The following SCLT1 variants were observed in gnomAD, a reference collection of about 807,000 sequenced individuals.
The protein encoded by SCLT1 is sodium channel-associated protein 1.
Under a neutral mutation model 112.8 loss-of-function variants are expected in SCLT1, and 78 were observed. That is an observed-to-expected ratio of 0.69 (90% CI 0.58 to 0.83). SCLT1 has a LOEUF of 0.83. SCLT1 is among the 40% of genes least tolerant of loss of function. The pLI is 0.00. For missense variants in SCLT1, 747 were observed against 770.4 expected, an observed-to-expected ratio of 0.97 and a Z score of 0.36; for synonymous variants, 257 against 254.7, an observed-to-expected ratio of 1.01 and a Z score of -0.09.
At chr4:128,938,799 T>C (rs1025042885) in intron 17 of SCLT1, among the ~76,000 whole-genome samples, 2 of 152,090 alleles carry the variant, frequency 1.3e-5, no homozygotes, top group Non-Finnish European at 2.9e-5. Flanking sequence ...CTGGCCAACA[T>C]GGTGAAACTC....
chr4:128,875,915 C>CA (rs1732508095), intron 4 of SCLT1, among the ~76,000 whole-genome samples: 1 of 151,910 alleles, frequency 6.6e-6, no homozygotes, highest in African/African-American at 2.4e-5. Flanking sequence ...GACAGTAGGG[C>CA]AAAAAAATAT....
chr4:129,055,567 A>G (rs1749285614), intron 2 of SCLT1, among the ~76,000 whole-genome samples: 1 of 152,102 alleles, frequency 6.6e-6, no homozygotes. Flanking sequence ...CAGCCTCCTT[A>G]GCAGTGACGG....
intron 5 of SCLT1, among the ~76,000 whole-genome samples, chr4:129,028,571 A>G (rs1297725681): frequency 6.6e-6 from 1 of 152,198 alleles, no homozygotes; most frequent in Non-Finnish European, 1.5e-5. Context: ...AACCATAAAA[A>G]CCCTAGAAGA....
At chr4:128,877,087 G>GTGA (rs1395872957) in intron 3 of SCLT1, among the ~76,000 whole-genome samples, 2 of 152,222 alleles carry the variant, frequency 1.3e-5, no homozygotes, top group Admixed American at 1.3e-4. Context: ...TATCTCCATA[G>GTGA]TGATGACTTC....
chr4:128,992,286 A>C (rs1461973046), intron 8 of SCLT1, 49 bp from the exon 9 acceptor site: 2 of 1,145,974 alleles, frequency 1.7e-6, no homozygotes, highest in African/African-American at 3.1e-5. Context: ...TAATAACTGT[A>C]TCTTTAAAGA....
intron 9 of SCLT1, among the ~76,000 whole-genome samples, chr4:128,983,288 C>T (rs1444654556): frequency 5.3e-5 from 8 of 152,092 alleles, no homozygotes; most frequent in Admixed American, 5.2e-4. Flanking sequence ...CTTTACAAGG[C>T]AGGCATAAAA....
chr4:128,888,875 T>C, intron 19 of SCLT1, 101 bp from the exon 20 acceptor site: 1 of 553,702 alleles, frequency 1.8e-6, no homozygotes, highest in East Asian at 3.0e-5. Context: ...TTACCACTTA[T>C]AAAATACAAA....
chr4:128,937,432 A>G (rs1016845312), intron 17 of SCLT1, among the ~76,000 whole-genome samples: 10 of 152,206 alleles, frequency 6.6e-5, no homozygotes, highest in African/African-American at 2.4e-4. Context: ...ATGCCAGTAA[A>G]AGAAAAGTCT....
At chr4:128,987,417 A>G (rs2126062199) in intron 9 of SCLT1, among the ~76,000 whole-genome samples, 1 of 152,378 alleles carries the variant, frequency 6.6e-6, no homozygotes. Flanking sequence ...AATTCAAAGT[A>G]TTAATTGCTG....
chr4:128,970,023 G>A (rs72922049), intron 10 of SCLT1, among the ~76,000 whole-genome samples: 1,548 of 152,196 alleles, frequency 0.01, 16 homozygotes, highest in African/African-American at 0.028. Flanking sequence ...AGAGTCTATT[G>A]TGTCAATAAA....
At chr4:129,034,783 T>C (rs928961444) in intron 5 of SCLT1, among the ~76,000 whole-genome samples, 1 of 151,322 alleles carries the variant, frequency 6.6e-6, no homozygotes, top group Non-Finnish European at 1.5e-5. Context: ...GTCACGACTA[T>C]TCAACTTCAT....
chr4:128,898,332 C>T (rs1298022503), intron 18 of SCLT1, among the ~76,000 whole-genome samples: 4 of 152,250 alleles, frequency 2.6e-5, no homozygotes, highest in Non-Finnish European at 5.9e-5. Context: ...TCTCTCAGAC[C>T]ACAGTGCAAT....
chr4:128,941,266 A>T (rs1242939017), intron 17 of SCLT1, among the ~76,000 whole-genome samples: 2 of 152,218 alleles, frequency 1.3e-5, no homozygotes, highest in South Asian at 4.1e-4. Flanking sequence ...ATAATGCTAC[A>T]TTCCCAGCAG....
At chr4:129,050,174 A>G (rs1241370990) in intron 2 of SCLT1, among the ~76,000 whole-genome samples, 4 of 152,150 alleles carry the variant, frequency 2.6e-5, no homozygotes, top group South Asian at 2.1e-4. Context: ...AGTCTTTGCT[A>G]TTGTAAATAG....
chr4:128,877,568 C>T (rs950060142), intron 3 of SCLT1, among the ~76,000 whole-genome samples: 2 of 152,054 alleles, frequency 1.3e-5, no homozygotes, highest in African/African-American at 4.8e-5. Flanking sequence ...GTAATCCTAG[C>T]TACTCAGGAG....
intron 9 of SCLT1, among the ~76,000 whole-genome samples, chr4:128,990,645 G>A (rs1742484313): frequency 6.6e-6 from 1 of 151,766 alleles, no homozygotes; most frequent in African/African-American, 2.4e-5. Context: ...AAAGGAAGAA[G>A]TCAAATTATC....
At chr4:129,072,749 T>C (rs1010431960) in intron 2 of SCLT1, among the ~76,000 whole-genome samples, 2 of 152,164 alleles carry the variant, frequency 1.3e-5, no homozygotes, top group Admixed American at 6.6e-5. Flanking sequence ...CTTCGCCTTT[T>C]CTTGTCCCTC....
chr4:129,031,677 G>C (rs1419025382), intron 5 of SCLT1, among the ~76,000 whole-genome samples: 1 of 152,054 alleles, frequency 6.6e-6, no homozygotes, highest in African/African-American at 2.4e-5. Flanking sequence ...TAGACAAGCA[G>C]AGAGCCAAAT....
chr4:129,003,371 T>C (rs1743691084), intron 6 of SCLT1, among the ~76,000 whole-genome samples: 1 of 149,784 alleles, frequency 6.7e-6, no homozygotes, highest in South Asian at 2.1e-4. Flanking sequence ...CACCATGGCA[T>C]GTGATACCTA....
Sources: allele counts gnomAD v4.1 joint callset (sites outside exome capture counted in the v4.1 genomes callset), GRCh38; gene constraint gnomAD v4.1.1; transcripts MANE v1.5; gene names NCBI Gene and HGNC (gene_info 2026-07-23, HGNC 2026-07-21).